ZDHHC11B: variants seen among roughly 807,000 people sequenced by gnomAD.
ZDHHC11B encodes zDHHC palmitoyltransferase 11B (putative).
A neutral mutation model predicts 42.3 loss-of-function variants in ZDHHC11B; 17 were observed. The ratio of observed to expected loss-of-function variants is 0.40; its 90% CI spans 0.27 to 0.60. The LOEUF (loss-of-function observed/expected upper bound fraction) is 0.60. Among genes scored for constraint, ZDHHC11B ranks in the 20% least tolerant of loss-of-function variants. The pLI is 0.41. For missense variants in ZDHHC11B, 262 were observed against 463.2 expected (o/e 0.57, Z 3.99); for synonymous variants, 123 against 193.5 (o/e 0.64, Z 3.02).
At chr5:735,899 T>C (rs1201805168) in intron 10 of ZDHHC11B, among the ~76,000 whole-genome samples, 1 of 147,808 alleles carries the variant, frequency 6.8e-6, no homozygotes, top group Non-Finnish European at 1.5e-5. Context: ...GAGAAAACAG[T>C]AACACAAATT....
rs1741351391 is a variant in ZDHHC11B, at chr5:711,312, GGC to G, written c.*976_*977del. On this transcript the variant is annotated 3_prime_UTR_variant, in exon 14 of 14. Coordinates refer to ENST00000508859, the MANE Select transcript of ZDHHC11B (RefSeq NM_001351303.2). ...TGTGCTCCCAATTCCCAGTACTGTG[GGC>G]TCCCCTTTCCCAGTACTGTGCTCCC... is the stretch of plus-strand genomic sequence containing the variant. 1 of 106,908 alleles carries G rather than the reference GGC, an allele frequency of 9.4e-6. No individual in the cohort carries two copies. The highest frequency in any genetic ancestry group is 3.8e-5 in the African/African-American group (1 of 26,506). The allele number at this position is 106,908 out of a possible 1,614,324, so 6.6% of individuals were successfully genotyped here. A position where few individuals can be genotyped will look rare whatever the true frequency, so the allele number is the denominator to read the frequency against.
At chr5:730,893 A>G (rs2127002508) in intron 11 of ZDHHC11B, among the ~76,000 whole-genome samples, 1 of 152,006 alleles carries the variant, frequency 6.6e-6, no homozygotes. Flanking sequence ...TCTACAAGGC[A>G]AGGAGAGAGG....
At chr5:774,005 A>G (rs1271109962) in intron 1 of ZDHHC11B, among the ~76,000 whole-genome samples, 1 of 151,918 alleles carries the variant, frequency 6.6e-6, no homozygotes, top group African/African-American at 2.4e-5. Flanking sequence ...GGCAGACCCC[A>G]GAGGGTGGCT....
chr5:764,553 G>A (rs1004680442), intron 4 of ZDHHC11B, among the ~76,000 whole-genome samples: 2 of 151,912 alleles, frequency 1.3e-5, no homozygotes, highest in African/African-American at 4.8e-5. Flanking sequence ...GTGCTGGTCT[G>A]CTGTAGCTGT....
chr5:778,211 C>T (rs1329162758), intron 1 of ZDHHC11B, among the ~76,000 whole-genome samples: 7 of 151,738 alleles, frequency 4.6e-5, no homozygotes, highest in Non-Finnish European at 7.4e-5. Flanking sequence ...TTCTCTAAAG[C>T]ACGACACAGG....
At chr5:745,487 C>A (rs1234937858) in intron 8 of ZDHHC11B, among the ~76,000 whole-genome samples, 189 bp from the exon 9 acceptor site, 1 of 149,922 alleles carries the variant, frequency 6.7e-6, no homozygotes, top group East Asian at 2.1e-4. Context: ...AGGTCTGCAG[C>A]TAGCTGATGG....
At chr5:770,746 A>G (rs187539114) in intron 1 of ZDHHC11B, among the ~76,000 whole-genome samples, 3,359 of 151,086 alleles carry the variant, frequency 0.022, 44 homozygotes, top group Non-Finnish European at 0.034. Context: ...GCCTGGCCCC[A>G]GCCAGGGGAG....
At chr5:741,410 C>T (rs1292279439) in intron 10 of ZDHHC11B, among the ~76,000 whole-genome samples, 184 bp downstream of exon 10, 7 of 147,076 alleles carry the variant, frequency 4.8e-5, no homozygotes, top group Non-Finnish European at 1.0e-4. Flanking sequence ...ACAAGCACAT[C>T]GAGATAGATA....
At chr5:732,932 C>T (rs189899679) in intron 11 of ZDHHC11B, among the ~76,000 whole-genome samples, 1 of 151,870 alleles carries the variant, frequency 6.6e-6, no homozygotes, top group South Asian at 2.1e-4. Context: ...TGGCACACAC[C>T]TGTACTTTCG....
chr5:780,693 G>A (rs1363937330), intron 1 of ZDHHC11B, among the ~76,000 whole-genome samples: 5 of 147,384 alleles, frequency 3.4e-5, no homozygotes, highest in Non-Finnish European at 5.9e-5. Context: ...CCCAGCAGGC[G>A]GCCTGGGGAC....
chr5:772,858 T>C (rs1247689403), intron 1 of ZDHHC11B, among the ~76,000 whole-genome samples: 1 of 151,880 alleles, frequency 6.6e-6, no homozygotes, highest in Non-Finnish European at 1.5e-5. Flanking sequence ...AGAGCCCATC[T>C]GAGCTTCACT....
At chr5:766,040 A>G (rs1428801924) in intron 4 of ZDHHC11B, among the ~76,000 whole-genome samples, 3 of 151,862 alleles carry the variant, frequency 2.0e-5, no homozygotes, top group African/African-American at 4.8e-5. Flanking sequence ...CCACACATCC[A>G]TGTCTCAGTG....
At chr5:721,694 G>C (rs1742199508) in intron 12 of ZDHHC11B, among the ~76,000 whole-genome samples, 2 of 151,736 alleles carry the variant, frequency 1.3e-5, no homozygotes, top group Non-Finnish European at 1.5e-5. Context: ...CTGACGTCAG[G>C]ACACCAGAGG....
chr5:758,318 C>T (rs1322349647), intron 4 of ZDHHC11B, among the ~76,000 whole-genome samples: 1 of 151,906 alleles, frequency 6.6e-6, no homozygotes, highest in Non-Finnish European at 1.5e-5. Flanking sequence ...CCAGGCAGGG[C>T]CTCTGCACGA....
intron 1 of ZDHHC11B, among the ~76,000 whole-genome samples, chr5:783,261 TGGTGG>T (rs1388595162): frequency 1.3e-5 from 2 of 152,236 alleles, no homozygotes; most frequent in African/African-American, 4.8e-5. Flanking sequence ...GAGGATCACG[TGGTGG>T]GGAGGCGCTG....
At chr5:764,565 C>T (rs1215665804) in intron 4 of ZDHHC11B, among the ~76,000 whole-genome samples, 3 of 151,924 alleles carry the variant, frequency 2.0e-5, no homozygotes, top group Non-Finnish European at 4.4e-5. Context: ...TGTAGCTGTG[C>T]TCAATTCTCA....
At chr5:775,638 T>C (rs1369266864) in intron 1 of ZDHHC11B, among the ~76,000 whole-genome samples, 1 of 150,790 alleles carries the variant, frequency 6.6e-6, no homozygotes, top group Non-Finnish European at 1.5e-5. Context: ...GGGATGACAA[T>C]GGGTTCCCTG....
intron 4 of ZDHHC11B, among the ~76,000 whole-genome samples, chr5:761,336 G>A (rs1346993304): frequency 6.6e-6 from 1 of 151,868 alleles, no homozygotes; most frequent in Non-Finnish European, 1.5e-5. Flanking sequence ...GGGCCAATGG[G>A]GCTGCCATGC....
chr5:754,086 C>T (rs1202428831), intron 6 of ZDHHC11B, among the ~76,000 whole-genome samples: 15 of 130,260 alleles, frequency 1.2e-4, no homozygotes, highest in Non-Finnish European at 2.1e-4. Flanking sequence ...GAGCCTCCAC[C>T]GTGCTCAGGG....
Sources: gnomAD v4.1 joint callset for allele counts (sites outside exome capture counted in the v4.1 genomes callset) on GRCh38, gnomAD v4.1.1 for gene constraint, MANE v1.5 for transcripts, NCBI Gene and HGNC (gene_info 2026-07-23, HGNC 2026-07-21) for gene names.